Variants in APOOL observed in about 807,000 individuals in gnomAD.
APOOL encodes MICOS complex subunit MIC27.
In APOOL, 12 loss-of-function variants were observed where a neutral mutation model predicts 23.1. The ratio of observed to expected loss-of-function variants is 0.52; its 90% CI spans 0.33 to 0.84. The LOEUF (loss-of-function observed/expected upper bound fraction) is 0.84, where lower values mean the gene tolerates loss of function less well. Ranked by LOEUF, APOOL falls within the 40% of genes least tolerant of loss-of-function variation. The probability of loss-of-function intolerance (pLI) is 0.02; values close to 1 mark genes in which losing one functional copy is unlikely to be tolerated. For synonymous variants in APOOL, 77 were observed against 69.9 expected, an observed-to-expected ratio of 1.10 and a Z score of -0.51; for missense variants, 212 against 199.6, an observed-to-expected ratio of 1.06 and a Z score of -0.37.
intron 5 of APOOL, among the ~76,000 whole-genome samples, chrX:85,062,827 G>T (rs1466287779): frequency 9.0e-6 from 1 of 111,143 alleles, no homozygotes; most frequent in South Asian, 3.8e-4. Context: ...TTTTGCTTAG[G>T]GTTGTCCTGG....
At chrX:85,030,825 A>G (rs933937825) in intron 1 of APOOL, among the ~76,000 whole-genome samples, 1 of 111,783 alleles carries the variant, frequency 8.9e-6, no homozygotes, top group Non-Finnish European at 1.9e-5. Flanking sequence ...TGTTTGGGTT[A>G]TGGGTGCACT....
In APOOL at chrX:85,055,623, G is replaced by A. The variant is rs55998034; in HGVS notation, c.296-204G>A. ...GGAAAAGAAATATTAAATCAGCTAC[G>A]GAAGGAAAATTTTATTTTGTAACAA... On this transcript the variant is annotated intron_variant, in intron 4 of 8. Transcript: ENST00000373173. 2.0e-3 allele frequency among the ~76,000 whole-genome samples: 219 copies of A among 111,257 alleles called. 1 individual carries two copies. Among genetic ancestry groups the A allele is most frequent in the African/African-American group, 6.9e-3 (213 of 30,726 alleles).
At chrX:85,034,458 GT>G (rs11450090) in intron 1 of APOOL, among the ~76,000 whole-genome samples, 2 of 105,638 alleles carry the variant, frequency 1.9e-5, no homozygotes, top group Non-Finnish European at 2.0e-5. Context: ...GCACCTGTTT[GT>G]TTTTTTTTTA....
intron 8 of APOOL, among the ~76,000 whole-genome samples, chrX:85,085,792 T>C (rs928479636): frequency 9.8e-5 from 11 of 112,146 alleles, no homozygotes; most frequent in Non-Finnish European, 2.1e-4. Context: ...GGTATTTATA[T>C]GCATCAGTTT....
At chrX:85,045,623 C>G (rs772432292) in intron 1 of APOOL, among the ~76,000 whole-genome samples, 2 of 111,878 alleles carry the variant, frequency 1.8e-5, no homozygotes, top group African/African-American at 6.5e-5. Flanking sequence ...GAAAGCTTTA[C>G]AGTTGGCCTT....
At chrX:85,080,992 A>C (rs1000821803) in intron 8 of APOOL, among the ~76,000 whole-genome samples, 3 of 110,992 alleles carry the variant, frequency 2.7e-5, no homozygotes, top group Non-Finnish European at 5.7e-5. Context: ...GTGTCTCTGC[A>C]TGTGAGATCA....
chrX:85,062,323 G>C (rs758126184), intron 5 of APOOL, among the ~76,000 whole-genome samples: 6 of 111,170 alleles, frequency 5.4e-5, no homozygotes, highest in East Asian at 2.8e-4. Context: ...TACGTTGTCT[G>C]TTCACTCTGA....
At chrX:85,071,371 A>G (rs1276459365) in intron 6 of APOOL, among the ~76,000 whole-genome samples, 1 of 110,799 alleles carries the variant, frequency 9.0e-6, no homozygotes, top group Non-Finnish European at 1.9e-5. Context: ...ATATTTTTGT[A>G]CACATGAGGG....
chrX:85,043,507 T>C (rs1442520113), intron 1 of APOOL, among the ~76,000 whole-genome samples: 6 of 111,121 alleles, frequency 5.4e-5, no homozygotes, highest in African/African-American at 2.0e-4. Flanking sequence ...TTTTTACAAA[T>C]CTTTAAATAT....
chrX:85,074,224 G>T, intron 7 of APOOL, 50 bp from the exon 8 acceptor site: 1 of 1,197,194 alleles, frequency 8.4e-7, no homozygotes, highest in Non-Finnish European at 1.1e-6. Flanking sequence ...GTAGATGAAG[G>T]AAATAGTAAA....
At chrX:85,082,230 A>T (rs186124387) in intron 8 of APOOL, among the ~76,000 whole-genome samples, 14 of 111,565 alleles carry the variant, frequency 1.3e-4, no homozygotes, top group African/African-American at 4.6e-4. Flanking sequence ...TTGTGGTTTT[A>T]TCTACCTTTG....
chrX:85,011,515 A>G (rs1921279165), intron 1 of APOOL, among the ~76,000 whole-genome samples: 3 of 111,676 alleles, frequency 2.7e-5, no homozygotes, highest in South Asian at 7.4e-4. Context: ...TGATTTTTGT[A>G]TAAGGTGAGA....
intron 8 of APOOL, 71 bp from the exon 9 acceptor site, chrX:85,087,519 G>A (rs1003833276): frequency 1.1e-6 from 1 of 941,044 alleles, no homozygotes; most frequent in African/African-American, 2.0e-5. Flanking sequence ...TTTGTTCGCT[G>A]CTGTCTTCCC....
Position 85,074,033 on chromosome X carries a change from A to G in APOOL, c.522A>G (p.Gln174=). 1 of 1,170,111 alleles carries G rather than the reference A, an allele frequency of 8.5e-7. No individual in the cohort carries two copies. Among genetic ancestry groups the G allele is most frequent in the Non-Finnish European group, 1.1e-6 (1 of 874,359 alleles). Residue 174 remains glutamine (Q), a synonymous_variant, in exon 7 of 9, where the codon CAA becomes CAG. Transcript: ENST00000373173. ...AAAAGGTATATGCTACAAGCCAGCA[A>G]ATTTTTGGAGCAGTTAAATCATTGT... ...TAKKVYATSQ[Q]IFGAVKSLWT...
intron 2 of APOOL, among the ~76,000 whole-genome samples, chrX:85,050,644 T>C (rs565462571): frequency 1.8e-5 from 2 of 109,441 alleles, no homozygotes; most frequent in South Asian, 8.0e-4. Context: ...AGGAAGTAAG[T>C]CCCTACCTGG....
At chrX:85,043,543 G>A (rs973978823) in intron 1 of APOOL, among the ~76,000 whole-genome samples, 3 of 110,317 alleles carry the variant, frequency 2.7e-5, no homozygotes, top group Non-Finnish European at 5.7e-5. Flanking sequence ...TTTAAACTTA[G>A]AGTCCAGGCC....
intron 1 of APOOL, among the ~76,000 whole-genome samples, chrX:85,012,787 T>C (rs747513841): frequency 3.8e-4 from 42 of 111,807 alleles, no homozygotes; most frequent in Non-Finnish European, 6.6e-4. Context: ...TCATCAGGGA[T>C]ATTGGTCTGT....
chrX:85,065,291 C>G (rs1946174420), intron 5 of APOOL, among the ~76,000 whole-genome samples: 1 of 111,592 alleles, frequency 9.0e-6, no homozygotes, highest in Admixed American at 9.6e-5. Flanking sequence ...TGCGATGTGT[C>G]TCTTGAATAC....
chrX:85,062,557 A>T (rs1923272604), intron 5 of APOOL, among the ~76,000 whole-genome samples: 1 of 111,811 alleles, frequency 8.9e-6, no homozygotes, highest in Non-Finnish European at 1.9e-5. Context: ...AGGTGTAAGG[A>T]AGGGATCAAA....
Sources: gnomAD v4.1 joint callset for allele counts (sites outside exome capture counted in the v4.1 genomes callset) on GRCh38, gnomAD v4.1.1 for gene constraint, MANE v1.5 for transcripts, NCBI Gene and HGNC (gene_info 2026-07-23, HGNC 2026-07-21) for gene names.